The following CACNA2D1 variants were observed in gnomAD, a reference collection of about 807,000 sequenced individuals.
The protein encoded by CACNA2D1 is calcium voltage-gated channel auxiliary subunit alpha2delta 1, also known as voltage-dependent calcium channel subunit alpha-2/delta-1.
CACNA2D1 carries 53 observed loss-of-function variants against 171.5 expected under a neutral mutation model. The observed-to-expected ratio is 0.31, with a 90% CI of 0.25 to 0.39. CACNA2D1 has a LOEUF of 0.39. CACNA2D1 is among the 10% of genes least tolerant of loss of function. The pLI is 1.00. For synonymous variants in CACNA2D1, 442 were observed against 443.1 expected (o/e 1.00, Z 0.03); for missense variants, 903 against 1,299.8 (o/e 0.69, Z 4.69).
intron 31 of CACNA2D1, 151 bp downstream of exon 31, chr7:81,967,018 C>CA: frequency 1.6e-6 from 1 of 612,740 alleles, no homozygotes; most frequent in Non-Finnish European, 2.9e-6. Context: ...CAAAAGCATA[C>CA]AAATTCAAAT....
intron 1 of CACNA2D1, among the ~76,000 whole-genome samples, chr7:82,422,800 C>T (rs1486682778): frequency 6.6e-6 from 1 of 151,986 alleles, no homozygotes; most frequent in East Asian, 1.9e-4. Flanking sequence ...TAGGTAAAAT[C>T]CTACGTGCAA....
chr7:82,236,593 A>G (rs985781441), intron 3 of CACNA2D1, among the ~76,000 whole-genome samples: 2 of 152,102 alleles, frequency 1.3e-5, no homozygotes, highest in Non-Finnish European at 2.9e-5. Flanking sequence ...AGTCAAATGT[A>G]TATCAGAAAA....
intron 6 of CACNA2D1, among the ~76,000 whole-genome samples, chr7:82,096,334 G>C (rs867664843): frequency 6.6e-6 from 1 of 151,986 alleles, no homozygotes; most frequent in Non-Finnish European, 1.5e-5. Context: ...TCCTATACCC[G>C]AGCTCCAGGG....
chr7:82,082,444 C>T (rs187942566), intron 7 of CACNA2D1, among the ~76,000 whole-genome samples: 1 of 152,090 alleles, frequency 6.6e-6, no homozygotes, highest in Non-Finnish European at 1.5e-5. Context: ...TTTATGGACT[C>T]AGAACGGGGA....
chr7:82,137,773 C>A (rs1244216572), intron 4 of CACNA2D1, among the ~76,000 whole-genome samples: 1 of 149,002 alleles, frequency 6.7e-6, no homozygotes, highest in Non-Finnish European at 1.5e-5. Flanking sequence ...CCAGCTACTC[C>A]GGAGGCTGAG....
intron 3 of CACNA2D1, among the ~76,000 whole-genome samples, chr7:82,290,252 G>C (rs1312535240): frequency 6.6e-6 from 1 of 152,126 alleles, no homozygotes; most frequent in Non-Finnish European, 1.5e-5. Flanking sequence ...TCAAAAGGAT[G>C]CCTCAAATAT....
intron 1 of CACNA2D1, among the ~76,000 whole-genome samples, chr7:82,417,604 A>G (rs1466624710): frequency 2.6e-5 from 4 of 152,214 alleles, no homozygotes; most frequent in Non-Finnish European, 5.9e-5. Flanking sequence ...TCAACTAGAT[A>G]TCTGCATTAA....
intron 3 of CACNA2D1, among the ~76,000 whole-genome samples, chr7:82,211,597 T>C (rs1316291186): frequency 6.6e-6 from 1 of 151,952 alleles, no homozygotes; most frequent in African/African-American, 2.4e-5. Context: ...ATTTTCTCTT[T>C]CTAATCTACT....
chr7:82,277,960 G>A (rs1172296288), intron 3 of CACNA2D1, among the ~76,000 whole-genome samples: 1 of 151,628 alleles, frequency 6.6e-6, no homozygotes, highest in Non-Finnish European at 1.5e-5. Context: ...TAGCCAGGTT[G>A]GTCCTCGAAC....
rs71093376 is a variant in CACNA2D1 at position 82,366,903 on chromosome 7, C to CTTTTTTTTT, written c.96-17263_96-17255dup. ...CCTGCCAGCATCCACTGGTTTTGAC[C>CTTTTTTTTT]TTTTTTTTTTTTTTTTTTTTTTTGA... On this transcript the variant is annotated intron_variant, in intron 1 of 38. Transcript: ENST00000356860. Among the ~76,000 whole-genome samples, 130 of 86,966 alleles carry CTTTTTTTTT rather than the reference C, an allele frequency of 1.5e-3. 5 individuals are homozygous for CTTTTTTTTT. The highest frequency in any genetic ancestry group is 4.5e-3 in the African/African-American group (117 of 25,948). The allele number at this position is 86,966 out of a possible 152,430, so 57.1% of individuals were successfully genotyped here.
chr7:82,431,474 T>C (rs1264731174), intron 1 of CACNA2D1, among the ~76,000 whole-genome samples: 1 of 152,026 alleles, frequency 6.6e-6, no homozygotes, highest in Non-Finnish European at 1.5e-5. Flanking sequence ...GAGTTAGTTA[T>C]GTTCTACTTT....
At chr7:82,221,426 C>T (rs531071644) in intron 3 of CACNA2D1, among the ~76,000 whole-genome samples, 10 of 152,138 alleles carry the variant, frequency 6.6e-5, no homozygotes, top group Non-Finnish European at 1.2e-4. Flanking sequence ...TCTCTAATTC[C>T]GATTGAGCTA....
At chr7:82,195,726 A>T (rs1465556187) in intron 3 of CACNA2D1, among the ~76,000 whole-genome samples, 1 of 151,690 alleles carries the variant, frequency 6.6e-6, no homozygotes, top group Non-Finnish European at 1.5e-5. Context: ...ACCCTTTCAC[A>T]GCTTGGCCTG....
intron 6 of CACNA2D1, among the ~76,000 whole-genome samples, chr7:82,095,351 C>T (rs561544430): frequency 4.6e-5 from 7 of 152,138 alleles, no homozygotes; most frequent in African/African-American, 1.4e-4. Context: ...TATTAAAATA[C>T]TTCCTACGTT....
At chr7:82,158,299 T>G (rs770545945) in intron 4 of CACNA2D1, among the ~76,000 whole-genome samples, 1 of 151,926 alleles carries the variant, frequency 6.6e-6, no homozygotes, top group African/African-American at 2.4e-5. Flanking sequence ...TTCATATGTA[T>G]TCACTTTGCA....
intron 1 of CACNA2D1, among the ~76,000 whole-genome samples, chr7:82,404,718 G>A (rs1036791422): frequency 1.3e-5 from 2 of 152,084 alleles, no homozygotes; most frequent in Non-Finnish European, 2.9e-5. Flanking sequence ...TTTTACAACT[G>A]CAGAAAAGAA....
At chr7:82,366,592 G>GGTAT (rs1821738787) in intron 1 of CACNA2D1, among the ~76,000 whole-genome samples, 1 of 151,460 alleles carries the variant, frequency 6.6e-6, no homozygotes, top group Non-Finnish European at 1.5e-5. Context: ...TTTCATGGCA[G>GGTAT]GTATCACATT....
chr7:82,384,195 G>A (rs866579832), intron 1 of CACNA2D1, among the ~76,000 whole-genome samples: 3 of 152,292 alleles, frequency 2.0e-5, no homozygotes, highest in Middle Eastern at 6.8e-3. Context: ...TTTGAATGCT[G>A]TAGACTGAAT....
chr7:82,362,339 C>T (rs563134059), intron 1 of CACNA2D1, among the ~76,000 whole-genome samples: 1 of 152,098 alleles, frequency 6.6e-6, no homozygotes, highest in African/African-American at 2.4e-5. Context: ...TGTATTGTAA[C>T]GTTAAAGTCT....
Sources: gnomAD v4.1 joint callset for allele counts (sites outside exome capture counted in the v4.1 genomes callset) on GRCh38, gnomAD v4.1.1 for gene constraint, MANE v1.5 for transcripts, NCBI Gene and HGNC (gene_info 2026-07-23, HGNC 2026-07-21) for gene names.